The following C3orf49 variants were observed in gnomAD, a reference collection of about 807,000 sequenced individuals.
C3orf49 encodes the protein chromosome 3 open reading frame 49.
C3orf49 carries 27 observed loss-of-function variants against 13.3 expected under a neutral mutation model. That is an observed-to-expected ratio of 2.02 (90% CI 1.49 to 2.79). The LOEUF is 2.79. Ranked by LOEUF, C3orf49 falls within the 30% of genes most tolerant of loss-of-function variation. The probability of loss-of-function intolerance (pLI) is 0.00; values close to 1 mark genes in which losing one functional copy is unlikely to be tolerated. For missense variants in C3orf49, 242 were observed against 134.2 expected, an observed-to-expected ratio of 1.80 and a Z score of -3.97; for synonymous variants, 87 against 47.6, an observed-to-expected ratio of 1.83 and a Z score of -3.40.
intron 5 of C3orf49, chr3:63,832,085 T>G (rs1442093269): frequency 2.7e-6 from 1 of 365,154 alleles, no homozygotes; most frequent in African/African-American, 2.1e-5. Context: ...TCCCAGCTAC[T>G]CGGGAGGCTG....
At chr3:63,794,765 C>A in the C3orf49 span, among the ~76,000 whole-genome samples, 1 of 152,148 alleles carries the variant, frequency 6.6e-6, no homozygotes, top group African/African-American at 2.4e-5. Context: ...AACATCTCAG[C>A]TGCACTTGAC....
At chr3:63,793,329 A>G in the C3orf49 span, among the ~76,000 whole-genome samples, 1 of 152,184 alleles carries the variant, frequency 6.6e-6, no homozygotes, top group African/African-American at 2.4e-5. Flanking sequence ...CATCACCAGG[A>G]CAACCGCTTA....
At chr3:63,838,624 T>A in intron 5 of C3orf49, 1 of 958,502 alleles carries the variant, frequency 1.0e-6, no homozygotes, top group Non-Finnish European at 1.5e-6. Flanking sequence ...TTTGCTTATT[T>A]AAAATTTAGA....
chr3:63,837,362 A>G (rs1226274549), intron 5 of C3orf49, among the ~76,000 whole-genome samples: 1 of 151,952 alleles, frequency 6.6e-6, no homozygotes, highest in Non-Finnish European at 1.5e-5. Context: ...CTTTTCTTCA[A>G]TTTACATTAT....
chr3:63,831,102 T>C lies in C3orf49; in HGVS notation c.571-8T>C. 1 of 695,472 alleles carries C rather than the reference T, an allele frequency of 1.4e-6. No homozygotes were observed. The allele number at this position is 695,472 out of a possible 1,614,324, so 43.1% of individuals were successfully genotyped here. On this transcript the variant is annotated splice_polypyrimidine_tract_variant and splice_region_variant and intron_variant, in intron 3 of 6. Transcript: ENST00000295896. ...CCTAATCTGATGTGTTTTGCATTTT[T>C]ACCATAGGGGCCATATTCACCAAAA...
chr3:63,840,508 T>G (rs1426093272), intron 5 of C3orf49, among the ~76,000 whole-genome samples: 1 of 152,126 alleles, frequency 6.6e-6, no homozygotes, highest in Non-Finnish European at 1.5e-5. Flanking sequence ...GGAGGATCAC[T>G]TGAGCCTCGG....
intron 5 of C3orf49, among the ~76,000 whole-genome samples, chr3:63,837,658 T>C (rs930174214): frequency 2.6e-5 from 4 of 151,962 alleles, no homozygotes; most frequent in African/African-American, 9.7e-5. Flanking sequence ...CCTCTGCTGA[T>C]TAACCATAAC....
At chr3:63,841,746 CAAAT>C (rs1390963603) in intron 5 of C3orf49, among the ~76,000 whole-genome samples, 7 of 152,104 alleles carry the variant, frequency 4.6e-5, no homozygotes, top group Non-Finnish European at 2.9e-5. Flanking sequence ...GAGACTGAGA[CAAAT>C]AAAACATAGT....
At chr3:63,834,231 T>C in intron 5 of C3orf49, 1 of 1,607,604 alleles carries the variant, frequency 6.2e-7, no homozygotes, top group South Asian at 1.1e-5. Context: ...AAAACCTTAG[T>C]CAAGTTTGCC....
chr3:63,794,683 G>A, the C3orf49 span, among the ~76,000 whole-genome samples: 1 of 152,034 alleles, frequency 6.6e-6, no homozygotes, highest in African/African-American at 2.4e-5. Flanking sequence ...TATGTGCCAG[G>A]TACTTGTCTG....
chr3:63,826,667 T>A (rs1167858145), intron 2 of C3orf49, among the ~76,000 whole-genome samples: 2 of 152,176 alleles, frequency 1.3e-5, no homozygotes, highest in African/African-American at 4.8e-5. Context: ...TCAATGGACT[T>A]TAAGCAACAA....
intron 5 of C3orf49, chr3:63,834,098 C>A: frequency 6.2e-7 from 1 of 1,609,734 alleles, no homozygotes; most frequent in Non-Finnish European, 8.5e-7. Context: ...GTAGCTATTT[C>A]AATATTCCTG....
At chr3:63,808,795 T>A in the C3orf49 span, among the ~76,000 whole-genome samples, 1 of 152,124 alleles carries the variant, frequency 6.6e-6, no homozygotes, top group Non-Finnish European at 1.5e-5. Flanking sequence ...CCTGCCCAGG[T>A]ACACTCAGCC....
At position 63,837,812 on chromosome 3, in the gene C3orf49, C is replaced by T. The variant is rs539620738; in HGVS notation, c.849+5968C>T. On this transcript the variant is annotated intron_variant, in intron 5 of 6. Coordinates refer to ENST00000295896, the MANE Select transcript of C3orf49 (RefSeq NM_001355236.2). Reference sequence around the variant, plus strand: ...AAACATTCTTCTCAACACAGACTTCCTTCTCTATTTTAAAGAATAATATAG... The same window carrying T: ...AAACATTCTTCTCAACACAGACTTCTTTCTCTATTTTAAAGAATAATATAG... Among the ~76,000 whole-genome samples the T allele has an allele frequency of 7.9e-5, 12 of 151,994 alleles. 1 individual carries two copies. The South Asian group carries it at 2.3e-3, about 29-fold the overall frequency.
At chr3:63,793,981 A>G in the C3orf49 span, among the ~76,000 whole-genome samples, 1 of 152,000 alleles carries the variant, frequency 6.6e-6, no homozygotes. Flanking sequence ...ATAGCAGGAC[A>G]CTGTTTCTAC....
At chr3:63,838,970 C>T (rs1302635504) in intron 5 of C3orf49, among the ~76,000 whole-genome samples, 1 of 152,162 alleles carries the variant, frequency 6.6e-6, no homozygotes, top group African/African-American at 2.4e-5. Context: ...GTGGGCAGAT[C>T]ACTTAATGCT....
chr3:63,785,585 A>T, the C3orf49 span, among the ~76,000 whole-genome samples: 5 of 152,184 alleles, frequency 3.3e-5, no homozygotes, highest in Admixed American at 6.5e-5. Context: ...TAATAACTTG[A>T]ACCAGTGGCT....
chr3:63,835,505 G>T, intron 5 of C3orf49: 1 of 894,112 alleles, frequency 1.1e-6, no homozygotes, highest in South Asian at 1.7e-5. Context: ...GGGCTTATAA[G>T]GAGTTATAAC....
At chr3:63,794,172 TACAC>T in the C3orf49 span, among the ~76,000 whole-genome samples, 3,739 of 142,644 alleles carry the variant, frequency 0.026, 67 homozygotes, top group South Asian at 0.087. Context: ...TACACACACA[TACAC>T]ACACACACAC....
Sources: allele counts gnomAD v4.1 joint callset (sites outside exome capture counted in the v4.1 genomes callset), GRCh38; gene constraint gnomAD v4.1.1; transcripts MANE v1.5; gene names NCBI Gene and HGNC (gene_info 2026-07-23, HGNC 2026-07-21).